The following PCDHB2 variants were observed in gnomAD, a reference collection of about 807,000 sequenced individuals.
PCDHB2 encodes the protein protocadherin beta 2, also known as protocadherin beta-2.
For missense variants in PCDHB2, 914 were observed against 1,023.1 expected, an observed-to-expected ratio of 0.89 and a Z score of 1.45; for synonymous variants, 395 against 464.9, an observed-to-expected ratio of 0.85 and a Z score of 1.93.
rs1751877690 is a variant in PCDHB2, at chr5:141,098,535, A to G, written c.*1348A>G. On this transcript the variant is annotated 3_prime_UTR_variant, in exon 1 of 1. Coordinates refer to ENST00000194155, the MANE Select transcript of PCDHB2 (RefSeq NM_018936.4). Reference sequence around the variant, plus strand: ...CCTAGACTTTTCAATGCTTTTTTATAAAGGTGCTTGAGTTCTGTTTCTCAA... The same window carrying G: ...CCTAGACTTTTCAATGCTTTTTTATGAAGGTGCTTGAGTTCTGTTTCTCAA... 6.6e-6 allele frequency: 1 copy of G among 152,134 alleles called. No homozygotes were observed. Among genetic ancestry groups the G allele is most frequent in the East Asian group, 1.9e-4 (1 of 5,194 alleles). 9.4% of individuals were successfully genotyped at this position (152,134 alleles called of 1,614,324 possible). A position where few individuals can be genotyped will look rare whatever the true frequency, so the allele number is the denominator to read the frequency against.
At position 141,094,919 on chromosome 5, in the gene PCDHB2, T is replaced by C. The variant is rs1554271109; in HGVS notation, c.129T>C (p.Ser43=). The change falls in exon 1 of 1, where the codon AGT becomes AGC. Residue 43 remains serine (S), a synonymous_variant. Coordinates refer to ENST00000194155, the MANE Select transcript of PCDHB2 (RefSeq NM_018936.4). ...RHYSVAEETE[S]GSFVANLLKD... is the part of the protein sequence containing the mutation. ...ATTCAGTGGCCGAGGAAACGGAGAGTGGCTCCTTTGTGGCCAATTTGTTAA... is the reference window on the plus strand; with the variant it reads ...ATTCAGTGGCCGAGGAAACGGAGAGCGGCTCCTTTGTGGCCAATTTGTTAA... 3 of 1,613,950 alleles carry C rather than the reference T, an allele frequency of 1.9e-6. No individual in the cohort carries two copies. The highest frequency in any genetic ancestry group is 2.2e-5 in the South Asian group (2 of 91,070).
Position 141,096,159 on chromosome 5 carries a change from T to G in PCDHB2, c.1369T>G (p.Ser457Ala). 6.2e-7 allele frequency: 1 copy of G among 1,613,122 alleles called. No homozygotes were observed. The highest frequency in any genetic ancestry group is 1.1e-5 in the South Asian group (1 of 91,020). ...NDNAPAFTQT[S>A]YTLFVRENNS... ...CAACGCCCCCGCCTTCACCCAAACC[T>G]CCTACACCCTGTTCGTCCGCGAGAA... The change falls in exon 1 of 1, where the codon TCC (serine) becomes GCC (alanine). Residue 457 changes from serine to alanine, a missense_variant. By Grantham distance (99) the Ser-to-Ala change is moderately conservative. Transcript: ENST00000194155.
At position 141,095,559 on chromosome 5, in the gene PCDHB2, A is replaced by C; in HGVS notation, c.769A>C (p.Ser257Arg). 6.2e-7 allele frequency: 1 copy of C among 1,613,948 alleles called. No individual in the cohort carries two copies. The highest frequency in any genetic ancestry group is 8.5e-7 in the Non-Finnish European group (1 of 1,179,932). Residue 257 changes from serine to arginine, a missense_variant, in exon 1 of 1, where the codon AGC becomes CGC. Transcript: ENST00000194155. ...CTATGAGGTGCAGATCCCGGAGGAC[A>C]GCCCCGTTGGATCCCAGGTTGCCAT... Reference protein sequence around the residue: ...LLYEVQIPEDSPVGSQVAIVS... With the variant: ...LLYEVQIPEDRPVGSQVAIVS...
chr5:141,096,425 C>T lies in PCDHB2; in HGVS notation c.1635C>T (p.Ser545=), dbSNP rs147433427. The change falls in exon 1 of 1, where the codon AGC becomes AGT. Residue 545 remains serine (S), a synonymous_variant. Transcript: ENST00000194155. ...ACCGCGGCTCCCCGGCGTTGAGCAG[C>T]GAGGCGCTGGTGCGCGTGCTGGTGC... ...AADRGSPALS[S]EALVRVLVLD... 11 of 1,611,738 alleles carry T rather than the reference C, an allele frequency of 6.8e-6. No individual in the cohort carries two copies. The South Asian group carries it at 1.2e-4, about 18-fold the overall frequency.
Position 141,096,898 on chromosome 5 carries a change from T to C in PCDHB2, c.2108T>C (p.Phe703Ser). The stretch of plus-strand genomic sequence containing the variant: ...GCGTTGGCCTCGGTGTCTTCGCTCT[T>C]CCTCTTCTCGGTGCTCCTGTTCGTG... Reference protein sequence around the residue: ...VVALASVSSLFLFSVLLFVAV... With the variant: ...VVALASVSSLSLFSVLLFVAV... Residue 703 changes from phenylalanine (F) to serine (S), a missense_variant, in exon 1 of 1, where the codon TTC becomes TCC. By Grantham distance (155) the Phe-to-Ser change is radical. Transcript: ENST00000194155. 2 of 1,612,206 alleles carry C rather than the reference T, an allele frequency of 1.2e-6. No individual in the cohort carries two copies. The highest frequency in any genetic ancestry group is 1.7e-6 in the Non-Finnish European group (2 of 1,179,838).
Position 141,094,961 on chromosome 5 carries a change from G to C in PCDHB2, c.171G>C (p.Glu57Asp). 6.2e-7 allele frequency: 1 copy of C among 1,614,068 alleles called. No individual in the cohort carries two copies. The highest frequency in any genetic ancestry group is 8.5e-7 in the Non-Finnish European group (1 of 1,179,998). ...VANLLKDLGLEIGELAVRGAR... is the reference protein window; with the variant it reads ...VANLLKDLGLDIGELAVRGAR... ...ATTTGTTAAAAGACCTGGGGCTGGA[G>C]ATAGGAGAACTTGCTGTGAGGGGGG... The change falls in exon 1 of 1, where the codon GAG (glutamate) becomes GAC (aspartate). Residue 57 changes from glutamate (E) to aspartate (D), a missense_variant. By Grantham distance (45) the Glu-to-Asp change is conservative (BLOSUM62 2). Coordinates refer to ENST00000194155, the MANE Select transcript of PCDHB2 (RefSeq NM_018936.4).
chr5:141,095,690 G>C lies in PCDHB2; in HGVS notation c.900G>C (p.Ser300=), dbSNP rs1554271313. 4 of 1,614,134 alleles carry C rather than the reference G, an allele frequency of 2.5e-6. No individual in the cohort carries two copies. Among genetic ancestry groups the C allele is most frequent in the Non-Finnish European group, 3.4e-6 (4 of 1,180,014 alleles). The change falls in exon 1 of 1, where the codon TCG becomes TCC. Residue 300 remains serine, a synonymous_variant. Coordinates refer to ENST00000194155, the MANE Select transcript of PCDHB2 (RefSeq NM_018936.4). Reference sequence around the variant, plus strand: ...AAACGTTTCGATTAAGTGCAAAATCGGGAGAACTGCTTTTAAGACAGAAAC... The same window carrying C: ...AAACGTTTCGATTAAGTGCAAAATCCGGAGAACTGCTTTTAAGACAGAAAC... ...IRKTFRLSAK[S]GELLLRQKLD... is the part of the protein sequence containing the mutation.
rs1751769163 is a variant in PCDHB2, at chr5:141,094,974, G to A, written c.184G>A (p.Ala62Thr). ...KDLGLEIGEL[A>T]VRGARVVSKG... ...CCTGGGGCTGGAGATAGGAGAACTT[G>A]CTGTGAGGGGGGCCAGGGTCGTTTC... The change falls in exon 1 of 1, where the codon GCT (alanine) becomes ACT (threonine). Residue 62 changes from alanine to threonine, a missense_variant. By Grantham distance (58) the Ala-to-Thr change is moderately conservative. Coordinates refer to ENST00000194155, the MANE Select transcript of PCDHB2 (RefSeq NM_018936.4). 16 of 1,613,714 alleles carry A rather than the reference G, an allele frequency of 9.9e-6. No individual in the cohort carries two copies. The highest frequency in any genetic ancestry group is 1.3e-5 in the African/African-American group (1 of 74,894).
In PCDHB2 at chr5:141,095,793, G is replaced by A; in HGVS notation, c.1003G>A (p.Val335Ile). 6.2e-7 allele frequency: 1 copy of A among 1,614,146 alleles called. No individual in the cohort carries two copies. Among genetic ancestry groups the A allele is most frequent in the Non-Finnish European group, 8.5e-7 (1 of 1,180,026 alleles). The part of the protein sequence containing the change: ...DGGGLSGTCV[V>I]FVQVMDLNDN... ...TGGGGGCCTATCTGGAACTTGTGTGGTATTTGTCCAAGTGATGGATTTGAA... is the reference window on the plus strand; with the variant it reads ...TGGGGGCCTATCTGGAACTTGTGTGATATTTGTCCAAGTGATGGATTTGAA... Residue 335 changes from valine (V) to isoleucine (I), a missense_variant, in exon 1 of 1, where the codon GTA (valine) becomes ATA (isoleucine). Physicochemically the swap from Val to Ile is conservative, Grantham distance 29. Transcript: ENST00000194155.
chr5:141,095,529 C>G lies in PCDHB2; in HGVS notation c.739C>G (p.Leu247Val). Residue 247 changes from leucine to valine, a missense_variant, in exon 1 of 1, where the codon CTG becomes GTG. Leu to Val is a conservative substitution (Grantham distance 32). Transcript: ENST00000194155. Reference protein sequence around the residue: ...INDNVPEFAKLLYEVQIPEDS... With the variant: ...INDNVPEFAKVLYEVQIPEDS... ...TGACAACGTCCCAGAGTTTGCAAAG[C>G]TGCTCTATGAGGTGCAGATCCCGGA... The G allele has an allele frequency of 6.2e-7, 1 of 1,613,966 alleles. No homozygotes were observed. The highest frequency in any genetic ancestry group is 2.2e-5 in the East Asian group (1 of 44,862).
Position 141,097,180 on chromosome 5 carries a change from T to G in PCDHB2, c.2390T>G (p.Phe797Cys). 1.2e-6 allele frequency: 2 copies of G among 1,607,572 alleles called. No homozygotes were observed. The highest frequency in any genetic ancestry group is 4.5e-5 in the East Asian group (2 of 44,848). ...ANPSFRKSFE[F>C]T ...CCCAGTTTCAGGAAGAGCTTTGAAT[T>G]CACTTAAGTGTTAATAAGGATCTAC... The change falls in exon 1 of 1, where the codon TTC becomes TGC. Residue 797 changes from phenylalanine to cysteine, a missense_variant. By Grantham distance (205) the Phe-to-Cys change is radical (BLOSUM62 -2). Coordinates refer to ENST00000194155, the MANE Select transcript of PCDHB2 (RefSeq NM_018936.4).
chr5:141,095,885 C>T lies in PCDHB2; in HGVS notation c.1095C>T (p.Thr365=). The change falls in exon 1 of 1, where the codon ACC becomes ACT. Residue 365 remains threonine, a synonymous_variant. Coordinates refer to ENST00000194155, the MANE Select transcript of PCDHB2 (RefSeq NM_018936.4). ...INQIPENLQD[T]LIAVFSVSDP... Reference sequence around the variant, plus strand: ...AGATCCCAGAAAACTTGCAGGACACCCTCATTGCTGTATTCAGCGTTTCAG... The same window carrying T: ...AGATCCCAGAAAACTTGCAGGACACTCTCATTGCTGTATTCAGCGTTTCAG... 3 of 1,613,996 alleles carry T rather than the reference C, an allele frequency of 1.9e-6. No homozygotes were observed. The highest frequency in any genetic ancestry group is 1.7e-6 in the Non-Finnish European group (2 of 1,179,926).
chr5:141,094,832 G>T lies in PCDHB2; in HGVS notation c.42G>T (p.Arg14Ser). 1.3e-6 allele frequency: 2 copies of T among 1,592,252 alleles called. No homozygotes were observed. The highest frequency in any genetic ancestry group is 1.7e-6 in the Non-Finnish European group (2 of 1,170,306). ...GGAAGGAGCGCGTTCCGAAACAAAG[G>T]CAAGTCCTGATATTCTTTGTTTTGC... ...GEGKERVPKQRQVLIFFVLLG... is the reference protein window; with the variant it reads ...GEGKERVPKQSQVLIFFVLLG... The change falls in exon 1 of 1, where the codon AGG becomes AGT. Residue 14 changes from arginine (R) to serine (S), a missense_variant. By Grantham distance (110) the Arg-to-Ser change is moderately radical. Transcript: ENST00000194155.
chr5:141,096,823 C>G lies in PCDHB2; in HGVS notation c.2033C>G (p.Ala678Gly). The G allele has an allele frequency of 1.9e-6, 3 of 1,610,580 alleles. No individual in the cohort carries two copies. The highest frequency in any genetic ancestry group is 2.5e-6 in the Non-Finnish European group (3 of 1,179,754). ...FSQPYLLLPE[A>G]APAQAQADLL... ...CAGCCCTACCTGCTGCTCCCGGAGGCGGCACCGGCCCAGGCCCAGGCCGAC... is the reference window on the plus strand; with the variant it reads ...CAGCCCTACCTGCTGCTCCCGGAGGGGGCACCGGCCCAGGCCCAGGCCGAC... Residue 678 changes from alanine (A) to glycine (G), a missense_variant, in exon 1 of 1, where the codon GCG (alanine) becomes GGG (glycine). Coordinates refer to ENST00000194155, the MANE Select transcript of PCDHB2 (RefSeq NM_018936.4).
rs1295861387 is a variant in PCDHB2 at position 141,095,417 on chromosome 5, G to A, written c.627G>A (p.Glu209=). ...CCCTGGATCGCGAGGAGCAGCCTGA[G>A]ATCAGGTTAACCCTCACAGCGCTAG... ...NRALDREEQP[E]IRLTLTALDG... The change falls in exon 1 of 1, where the codon GAG becomes GAA. Residue 209 remains glutamate (E), a synonymous_variant. Coordinates refer to ENST00000194155, the MANE Select transcript of PCDHB2 (RefSeq NM_018936.4). 2 of 1,614,054 alleles carry A rather than the reference G, an allele frequency of 1.2e-6. No individual in the cohort carries two copies. Among genetic ancestry groups the A allele is most frequent in the East Asian group, 2.2e-5 (1 of 44,888 alleles).
In PCDHB2 at chr5:141,097,463, C is replaced by A. The variant is rs1751859772; in HGVS notation, c.*276C>A. On this transcript the variant is annotated 3_prime_UTR_variant, in exon 1 of 1. Coordinates refer to ENST00000194155, the MANE Select transcript of PCDHB2 (RefSeq NM_018936.4). Reference sequence around the variant, plus strand: ...ATTTTCAGAAATCTTTAAGTTAGAGCATCTTTTCCAGACCTCACAGTCTAT... The same window carrying A: ...ATTTTCAGAAATCTTTAAGTTAGAGAATCTTTTCCAGACCTCACAGTCTAT... 3.1e-6 allele frequency: 1 copy of A among 327,070 alleles called. No individual in the cohort carries two copies. The highest frequency in any genetic ancestry group is 6.8e-5 in the South Asian group (1 of 14,704). 20.3% of individuals were successfully genotyped at this position (327,070 alleles called of 1,614,324 possible).
Position 141,097,316 on chromosome 5 carries a change from C to G in PCDHB2, c.*129C>G, listed in dbSNP as rs1751857304. ...TCTTATTCCAATTCTATGCATGTTA[C>G]TGGTATTTATAAATGTATGAGTTTT... On this transcript the variant is annotated 3_prime_UTR_variant, in exon 1 of 1. Coordinates refer to ENST00000194155, the MANE Select transcript of PCDHB2 (RefSeq NM_018936.4). 3 of 1,023,548 alleles carry G rather than the reference C, an allele frequency of 2.9e-6. No homozygotes were observed. The highest frequency in any genetic ancestry group is 4.2e-6 in the Non-Finnish European group (3 of 714,422). 63.4% of individuals were successfully genotyped at this position (1,023,548 alleles called of 1,614,324 possible).
In PCDHB2 at chr5:141,096,817, C is replaced by T. The variant is rs13176756; in HGVS notation, c.2027C>T (p.Pro676Leu). The stretch of plus-strand genomic sequence containing the variant: ...TTCTCCCAGCCCTACCTGCTGCTCC[C>T]GGAGGCGGCACCGGCCCAGGCCCAG... ...DGFSQPYLLL[P>L]EAAPAQAQAD... Residue 676 changes from proline to leucine, a missense_variant, in exon 1 of 1, where the codon CCG becomes CTG. By Grantham distance (98) the Pro-to-Leu change is moderately conservative. Transcript: ENST00000194155. 9.3e-6 allele frequency: 15 copies of T among 1,610,410 alleles called. No individual in the cohort carries two copies. The highest frequency in any genetic ancestry group is 2.2e-5 in the East Asian group (1 of 44,872).
rs1554271248 is a variant in PCDHB2, at chr5:141,095,412, C to A, written c.622C>A (p.Pro208Thr). 1 of 1,614,034 alleles carries A rather than the reference C, an allele frequency of 6.2e-7. No individual in the cohort carries two copies. Among genetic ancestry groups the A allele is most frequent in the African/African-American group, 1.3e-5 (1 of 74,910 alleles). ...CAGAGCCCTGGATCGCGAGGAGCAGCCTGAGATCAGGTTAACCCTCACAGC... is the reference window on the plus strand; with the variant it reads ...CAGAGCCCTGGATCGCGAGGAGCAGACTGAGATCAGGTTAACCCTCACAGC... ...LNRALDREEQPEIRLTLTALD... is the reference protein window; with the variant it reads ...LNRALDREEQTEIRLTLTALD... The change falls in exon 1 of 1, where the codon CCT becomes ACT. Residue 208 changes from proline to threonine, a missense_variant. Physicochemically the swap from Pro to Thr is conservative, Grantham distance 38 (BLOSUM62 -1). Transcript: ENST00000194155.
Sources: gnomAD v4.1 joint callset for allele counts on GRCh38, gnomAD v4.1.1 for gene constraint, MANE v1.5 for transcripts, NCBI Gene and HGNC (gene_info 2026-07-23, HGNC 2026-07-21) for gene names.